The following IDE variants were observed in gnomAD, a reference collection of about 807,000 sequenced individuals.
IDE encodes the protein insulin degrading enzyme, also known as insulin-degrading enzyme.
IDE carries 58 observed loss-of-function variants against 133.2 expected under a neutral mutation model. The ratio of observed to expected loss-of-function variants is 0.44; its 90% confidence interval spans 0.35 to 0.54. The LOEUF (loss-of-function observed/expected upper bound fraction) is 0.54. IDE is among the 20% of genes least tolerant of loss of function. The probability of loss-of-function intolerance (pLI) is 0.00; values close to 1 mark genes in which losing one functional copy is unlikely to be tolerated. For synonymous variants in IDE, 396 were observed against 421.3 expected (o/e 0.94, Z 0.73); for missense variants, 981 against 1,234.0 (o/e 0.79, Z 3.07).
At chr10:92,510,643 CAT>C (rs559104867) in intron 5 of IDE, among the ~76,000 whole-genome samples, 47 of 151,280 alleles carry the variant, frequency 3.1e-4, no homozygotes, top group African/African-American at 1.0e-3. Flanking sequence ...ATATATATCA[CAT>C]ATATGATATA....
chr10:92,506,373 G>T, intron 10 of IDE, 69 bp downstream of exon 10: 2 of 723,386 alleles, frequency 2.8e-6, no homozygotes, highest in Non-Finnish European at 4.6e-6. Flanking sequence ...ACTTATTACT[G>T]AAAATATATG....
At chr10:92,573,279 C>T (rs533298625) in intron 1 of IDE, 33 of 650,230 alleles carry the variant, frequency 5.1e-5, no homozygotes, top group Admixed American at 6.3e-5. Context: ...AGCCATCTCT[C>T]GGAGCTCCGG....
At chr10:92,533,151 T>A (rs1022926606) in intron 3 of IDE, among the ~76,000 whole-genome samples, 2 of 152,202 alleles carry the variant, frequency 1.3e-5, no homozygotes, top group South Asian at 2.1e-4. Flanking sequence ...TAAAGTTTTT[T>A]AAATGATCCT....
intron 1 of IDE, chr10:92,554,852 T>C (rs10882080): frequency 0.058 from 8,711 of 149,648 alleles, 869 homozygotes; most frequent in African/African-American, 0.2. Flanking sequence ...CAAAATTCCA[T>C]CTCAAAAAAA....
At chr10:92,529,055 C>A (rs912363679) in intron 4 of IDE, among the ~76,000 whole-genome samples, 11 of 151,902 alleles carry the variant, frequency 7.2e-5, no homozygotes, top group Admixed American at 2.6e-4. Flanking sequence ...CCAGCCTGGA[C>A]GACAGAGCAA....
chr10:92,514,445 T>TG (rs902617173), intron 5 of IDE, among the ~76,000 whole-genome samples: 23 of 151,194 alleles, frequency 1.5e-4, no homozygotes, highest in African/African-American at 5.6e-4. Flanking sequence ...TTTTTGTGTG[T>TG]TTTTTTTTAA....
At chr10:92,516,677 T>C (rs574957287) in intron 4 of IDE, among the ~76,000 whole-genome samples, 28 of 152,308 alleles carry the variant, frequency 1.8e-4, no homozygotes, top group African/African-American at 6.5e-4. Flanking sequence ...TTTTTAGAAC[T>C]TGCCAAGTTA....
chr10:92,553,861 C>T (rs990636982), intron 1 of IDE, among the ~76,000 whole-genome samples: 9 of 152,096 alleles, frequency 5.9e-5, no homozygotes, highest in African/African-American at 2.2e-4. Context: ...CAAAGAAAAG[C>T]CCAGGACCCA....
Position 92,569,750 on chromosome 10 carries a change from G to C in IDE, c.98+4172C>G, listed in dbSNP as rs548462087. Among the ~76,000 whole-genome samples, 13 of 152,306 alleles carry C rather than the reference G, an allele frequency of 8.5e-5. No homozygotes were observed. The East Asian group carries it at 2.5e-3, about 29-fold the overall frequency. On this transcript the variant is annotated intron_variant, in intron 1 of 24. Transcript: ENST00000265986. ...TTAAGTTATGCAGTAAATATGTACT[G>C]AGTACCTACTATGTGTCAGGCAGAG... is the stretch of plus-strand genomic sequence containing the variant.
At chr10:92,560,821 C>T (rs887465509) in intron 1 of IDE, among the ~76,000 whole-genome samples, 1 of 151,948 alleles carries the variant, frequency 6.6e-6, no homozygotes, top group Admixed American at 6.6e-5. Flanking sequence ...CTTGTTACTC[C>T]TTTTATGCAT....
At chr10:92,490,678 T>C in intron 11 of IDE, 83 bp from the exon 12 acceptor site, 1 of 829,718 alleles carries the variant, frequency 1.2e-6, no homozygotes, top group Non-Finnish European at 2.0e-6. Flanking sequence ...CAGGACAATA[T>C]AAACAATATC....
chr10:92,509,369 G>C (rs921589954), intron 6 of IDE, among the ~76,000 whole-genome samples: 1 of 152,126 alleles, frequency 6.6e-6, no homozygotes, highest in Admixed American at 6.5e-5. Flanking sequence ...GAGGGAGACA[G>C]ATCACCTGAG....
intron 13 of IDE, among the ~76,000 whole-genome samples, chr10:92,483,743 T>G (rs1038406645): frequency 3.3e-5 from 5 of 152,186 alleles, no homozygotes; most frequent in Non-Finnish European, 7.3e-5. Context: ...ATTCACAGCC[T>G]TGGGTGGTCC....
rs71028827 is a variant in IDE at position 92,552,857 on chromosome 10, C to CAAAAAAAAAAAAAAAA, written c.99-15323_99-15308dup. Among the ~76,000 whole-genome samples, 171 of 49,352 alleles carry CAAAAAAAAAAAAAAAA rather than the reference C, an allele frequency of 3.5e-3. 17 individuals carry two copies. Among genetic ancestry groups the CAAAAAAAAAAAAAAAA allele is most frequent in the Middle Eastern group, 0.034 (2 of 58 alleles). The allele number at this position is 49,352 out of a possible 152,430, so 32.4% of individuals were successfully genotyped here. A position where few individuals can be genotyped will look rare whatever the true frequency, so the allele number is the denominator to read the frequency against. On this transcript the variant is annotated intron_variant, in intron 1 of 24. Coordinates refer to ENST00000265986, the MANE Select transcript of IDE (RefSeq NM_004969.4). The stretch of plus-strand genomic sequence containing the variant: ...TGGGTGACAGAGTAAGACTCAGTCT[C>CAAAAAAAAAAAAAAAA]AAAAAAAAAAAAAAAAAAAAATTAT...
At chr10:92,483,860 A>G (rs2421940) in intron 13 of IDE, among the ~76,000 whole-genome samples, 15,205 of 152,112 alleles carry the variant, frequency 0.1, 880 homozygotes, top group South Asian at 0.17. Context: ...TTGCATCCTG[A>G]TCACTCACTT....
intron 1 of IDE, among the ~76,000 whole-genome samples, chr10:92,565,666 A>G (rs2135829691): frequency 6.6e-6 from 1 of 152,032 alleles, no homozygotes; most frequent in East Asian, 1.9e-4. Context: ...CGTGTCTTCA[A>G]CTCTATCTTC....
At chr10:92,515,569 T>A (rs930624527) in intron 4 of IDE, among the ~76,000 whole-genome samples, 1 of 148,942 alleles carries the variant, frequency 6.7e-6, no homozygotes, top group African/African-American at 2.5e-5. Context: ...CCTTTTTTTT[T>A]TTTTTTTTTG....
chr10:92,561,767 AAAAAT>A (rs1169634121), intron 1 of IDE, among the ~76,000 whole-genome samples: 4 of 151,044 alleles, frequency 2.6e-5, no homozygotes, highest in South Asian at 4.2e-4. Context: ...GTCACCAAAA[AAAAAT>A]AAAATAAAAT....
chr10:92,572,258 A>T (rs1843821068), intron 1 of IDE, among the ~76,000 whole-genome samples: 1 of 152,266 alleles, frequency 6.6e-6, no homozygotes, highest in South Asian at 2.1e-4. Flanking sequence ...CTAGCCTATC[A>T]GTAATGAATT....
Sources: gnomAD v4.1 joint callset for allele counts (sites outside exome capture counted in the v4.1 genomes callset) on GRCh38, gnomAD v4.1.1 for gene constraint, MANE v1.5 for transcripts, NCBI Gene and HGNC (gene_info 2026-07-23, HGNC 2026-07-21) for gene names.